BAZ2B: variants seen among roughly 807,000 people sequenced by gnomAD.
BAZ2B encodes bromodomain adjacent to zinc finger domain 2B.
BAZ2B carries 91 observed loss-of-function variants against 246.0 expected under a neutral mutation model. That is an observed-to-expected ratio of 0.37 (90% confidence interval 0.31 to 0.44). BAZ2B has a LOEUF of 0.44. BAZ2B is among the 20% of genes least tolerant of loss of function. BAZ2B has a pLI of 1.00. For missense variants in BAZ2B, 2,332 were observed against 2,533.7 expected (o/e 0.92, Z 1.71); for synonymous variants, 855 against 860.0 (o/e 0.99, Z 0.10).
chr2:159,522,417 T>C (rs1349874055), intron 2 of BAZ2B, among the ~76,000 whole-genome samples: 3 of 152,160 alleles, frequency 2.0e-5, no homozygotes, highest in Admixed American at 6.5e-5. Context: ...TAATTCATAA[T>C]AATAACAGCT....
At chr2:159,705,858 G>A in the BAZ2B span, among the ~76,000 whole-genome samples, 1 of 151,854 alleles carries the variant, frequency 6.6e-6, no homozygotes, top group African/African-American at 2.4e-5. Context: ...AATACTACAT[G>A]TAAAATCAAT....
chr2:159,431,548 C>G (rs1340064479), intron 9 of BAZ2B, among the ~76,000 whole-genome samples: 2 of 152,234 alleles, frequency 1.3e-5, no homozygotes, highest in East Asian at 3.9e-4. Context: ...AAAGAGAAAT[C>G]TGAAACTACC....
chr2:159,567,242 G>GA (rs1347953138), intron 1 of BAZ2B, among the ~76,000 whole-genome samples: 4 of 151,912 alleles, frequency 2.6e-5, no homozygotes, highest in African/African-American at 7.3e-5. Flanking sequence ...AAGAAAAAAA[G>GA]AAAAAAATTC....
the BAZ2B span, among the ~76,000 whole-genome samples, chr2:159,682,360 T>G: frequency 6.6e-6 from 1 of 152,028 alleles, no homozygotes; most frequent in African/African-American, 2.4e-5. Context: ...TTTGTATTTT[T>G]TGTAGACAGT....
At chr2:159,419,347 A>G (rs2068322382) in intron 13 of BAZ2B, among the ~76,000 whole-genome samples, 1 of 152,038 alleles carries the variant, frequency 6.6e-6, no homozygotes. Flanking sequence ...GACAATTCAC[A>G]TAAAAAAATT....
At chr2:159,467,697 T>TGA (rs141310356) in intron 3 of BAZ2B, among the ~76,000 whole-genome samples, 1 of 151,620 alleles carries the variant, frequency 6.6e-6, no homozygotes, top group Non-Finnish European at 1.5e-5. Context: ...CTGGTAATGG[T>TGA]GGAGTGAGGT....
At position 159,448,227 on chromosome 2, in the gene BAZ2B, T is replaced by C. The variant is rs1577141106; in HGVS notation, c.502+15A>G. 1 of 1,608,002 alleles carries C rather than the reference T, an allele frequency of 6.2e-7. No individual in the cohort carries two copies. On this transcript the variant is annotated intron_variant, in intron 5 of 36. Transcript: ENST00000392783. ...TGGAAGATTTATAGTACTTCACTTATGTAAATGTGGATACCTTTTTCGGGA... is the reference window on the plus strand; with the variant it reads ...TGGAAGATTTATAGTACTTCACTTACGTAAATGTGGATACCTTTTTCGGGA...
At chr2:159,675,519 G>A in the BAZ2B span, among the ~76,000 whole-genome samples, 1 of 152,074 alleles carries the variant, frequency 6.6e-6, no homozygotes, top group Admixed American at 6.5e-5. Context: ...ATAGAATTGT[G>A]AAACCAAAGA....
chr2:159,628,934 A>G, the BAZ2B span, among the ~76,000 whole-genome samples: 6 of 152,244 alleles, frequency 3.9e-5, no homozygotes, highest in Non-Finnish European at 7.3e-5. Flanking sequence ...ACAAAGAGCT[A>G]ATATCCAGAA....
the BAZ2B span, among the ~76,000 whole-genome samples, chr2:159,673,233 G>T: frequency 1.3e-5 from 2 of 152,088 alleles, no homozygotes; most frequent in Non-Finnish European, 2.9e-5. Flanking sequence ...AAAATAATAT[G>T]AACTGGCTCT....
At chr2:159,409,336 G>T (rs2066460420) in intron 14 of BAZ2B, among the ~76,000 whole-genome samples, 1 of 152,104 alleles carries the variant, frequency 6.6e-6, no homozygotes, top group Admixed American at 6.6e-5. Flanking sequence ...AGGCATCTCA[G>T]TTTCAATCGC....
chr2:159,371,673 G>T (rs1049562238), intron 27 of BAZ2B, among the ~76,000 whole-genome samples: 1 of 152,044 alleles, frequency 6.6e-6, no homozygotes, highest in East Asian at 1.9e-4. Flanking sequence ...TGCGTACTTT[G>T]CTCCCAGGTT....
At chr2:159,599,570 A>T (rs1374862761) in intron 1 of BAZ2B, among the ~76,000 whole-genome samples, 1 of 151,824 alleles carries the variant, frequency 6.6e-6, no homozygotes, top group Non-Finnish European at 1.5e-5. Context: ...GTGGGCCGAC[A>T]TTGTGCCACT....
chr2:159,496,375 TAAAA>T (rs58900011), intron 2 of BAZ2B, among the ~76,000 whole-genome samples: 1 of 58,924 alleles, frequency 1.7e-5, no homozygotes, highest in Non-Finnish European at 3.0e-5. Context: ...AGACTCCATC[TAAAA>T]AAAAAAAAAA....
At chr2:159,687,040 T>TC in the BAZ2B span, among the ~76,000 whole-genome samples, 1 of 7,954 alleles carries the variant, frequency 1.3e-4, no homozygotes, top group Admixed American at 9.9e-4. Flanking sequence ...AGACTCCATC[T>TC]CAAAAAAAAA....
intron 3 of BAZ2B, among the ~76,000 whole-genome samples, chr2:159,454,592 G>T (rs972726697): frequency 6.6e-6 from 1 of 152,096 alleles, no homozygotes; most frequent in Non-Finnish European, 1.5e-5. Flanking sequence ...ATAATCTTAG[G>T]GGGCTACTGT....
chr2:159,431,405 T>C (rs531803186), intron 9 of BAZ2B, among the ~76,000 whole-genome samples: 1 of 152,338 alleles, frequency 6.6e-6, no homozygotes, highest in East Asian at 1.9e-4. Context: ...ACTATTCACA[T>C]GATGAGTTCT....
intron 1 of BAZ2B, among the ~76,000 whole-genome samples, chr2:159,582,417 CT>C (rs895822191): frequency 1.1e-4 from 16 of 151,736 alleles, no homozygotes; most frequent in African/African-American, 3.1e-4. Context: ...AGTTCACATA[CT>C]TTTTTTTTGA....
intron 36 of BAZ2B, 21 bp from the exon 37 acceptor site, chr2:159,320,439 A>G (rs781444864): frequency 6.5e-7 from 1 of 1,533,152 alleles, no homozygotes; most frequent in South Asian, 1.3e-5. Context: ...ACAAATAATT[A>G]GAGATTGCGT....
Sources: gnomAD v4.1 joint callset for allele counts (sites outside exome capture counted in the v4.1 genomes callset) on GRCh38, gnomAD v4.1.1 for gene constraint, MANE v1.5 for transcripts, NCBI Gene and HGNC (gene_info 2026-07-23, HGNC 2026-07-21) for gene names.